SCN3A: variants seen among roughly 807,000 people sequenced by gnomAD.
SCN3A encodes sodium voltage-gated channel alpha subunit 3.
In SCN3A, 60 loss-of-function variants were observed where a neutral mutation model predicts 187.6. The observed-to-expected ratio is 0.32, with a 90% confidence interval of 0.26 to 0.40. The LOEUF is 0.40. SCN3A is among the 10% of genes least tolerant of loss of function. The pLI is 1.00. For missense variants in SCN3A, 1,601 were observed against 2,428.2 expected (o/e 0.66, Z 7.16); for synonymous variants, 788 against 829.2 (o/e 0.95, Z 0.85).
chr2:165,129,936 A>T lies in SCN3A; in HGVS notation c.2922+4T>A, dbSNP rs748261478. 3 of 1,614,004 alleles carry T rather than the reference A, an allele frequency of 1.9e-6. No homozygotes were observed. The highest frequency in any genetic ancestry group is 3.3e-5 in the Admixed American group (2 of 60,020). On this transcript the variant is annotated splice_donor_region_variant and intron_variant, in intron 17 of 27. Transcript: ENST00000283254. ...ATTTATGAGCATTTGTACTACATACATACCACAAGGTTTCCAATGACCATG... is the reference window on the plus strand; with the variant it reads ...ATTTATGAGCATTTGTACTACATACTTACCACAAGGTTTCCAATGACCATG...
At chr2:165,168,641 C>G in intron 5 of SCN3A, 95 bp downstream of exon 5, 1 of 897,586 alleles carries the variant, frequency 1.1e-6, no homozygotes, top group South Asian at 1.3e-5. Flanking sequence ...TTTTCTTAGA[C>G]AGAAGTGGAA....
At chr2:165,168,977 T>C (rs1320840337) in intron 4 of SCN3A, 152 bp from the exon 5 acceptor site, 3 of 626,404 alleles carry the variant, frequency 4.8e-6, no homozygotes, top group Admixed American at 5.5e-5. Flanking sequence ...CTTCAAAGCC[T>C]GTGATATGGC....
Position 165,113,868 on chromosome 2 carries a change from T to C in SCN3A, c.3617A>G (p.Asn1206Ser). 6.2e-7 allele frequency: 1 copy of C among 1,614,014 alleles called. No homozygotes were observed. The highest frequency in any genetic ancestry group is 8.5e-7 in the Non-Finnish European group (1 of 1,179,918). ...RKTCYSIVEH[N>S]WFETFIVFMI... ...GAACACAATGAAAGTCTCAAACCAG[T>C]TGTGCTCAACAATACTGTAGCAGGT... The change falls in exon 20 of 28, where the codon AAC becomes AGC. Residue 1206 changes from asparagine (N) to serine (S), a missense_variant. Transcript: ENST00000283254.
intron 2 of SCN3A, 51 bp from the exon 3 acceptor site, chr2:165,176,495 A>G: frequency 7.0e-7 from 1 of 1,422,048 alleles, no homozygotes; most frequent in Non-Finnish European, 9.8e-7. Flanking sequence ...GCGATTGGGC[A>G]TAAGAACATC....
At chr2:165,105,981 T>C (rs1685836731) in intron 21 of SCN3A, among the ~76,000 whole-genome samples, 1 of 152,234 alleles carries the variant, frequency 6.6e-6, no homozygotes, top group African/African-American at 2.4e-5. Context: ...TTTATTGGTC[T>C]TTAACTTTAT....
chr2:165,096,613 C>T lies in SCN3A; in HGVS notation c.4240-93G>A, dbSNP rs1263753186. ...AATCTGACAGTATTATAACAAATAA[C>T]TTTTTGTACAATATTGTGAAATTTC... On this transcript the variant is annotated intron_variant, in intron 23 of 27. Transcript: ENST00000283254. 28 of 824,684 alleles carry T rather than the reference C, an allele frequency of 3.4e-5. No individual in the cohort carries two copies. The South Asian group carries it at 4.5e-4, about 13-fold the overall frequency. 51.1% of individuals were successfully genotyped at this position (824,684 alleles called of 1,614,324 possible).
chr2:165,172,718 C>G (rs370648986), intron 3 of SCN3A, among the ~76,000 whole-genome samples: 1 of 152,120 alleles, frequency 6.6e-6, no homozygotes, highest in African/African-American at 2.4e-5. Context: ...GAACATGGAA[C>G]CCTTTGCTCC....
chr2:165,151,022 A>G (rs1406399270), intron 11 of SCN3A, among the ~76,000 whole-genome samples: 1 of 152,180 alleles, frequency 6.6e-6, no homozygotes, highest in Non-Finnish European at 1.5e-5. Flanking sequence ...GGCAAGCATG[A>G]GGTATATTTT....
Position 165,128,096 on chromosome 2 carries a change from C to T in SCN3A, c.2928G>A (p.Leu976=), listed in dbSNP as rs951891524. 1 of 1,607,314 alleles carries T rather than the reference C, an allele frequency of 6.2e-7. No individual in the cohort carries two copies. Among genetic ancestry groups the T allele is most frequent in the Non-Finnish European group, 8.5e-7 (1 of 1,178,580 alleles). Residue 976 remains leucine (L), a synonymous_variant, in exon 18 of 28, where the codon CTG becomes CTA. Transcript: ENST00000283254. ...TCAACAATAAGGCCAGAAAGAGGTT[C>T]AGAACCTAAAAGAAAAAAAGAAAAA... is the stretch of plus-strand genomic sequence containing the variant. ...LVMVIGNLVV[L]NLFLALLLSS...
chr2:165,106,872 A>T (rs1180149334), intron 21 of SCN3A, among the ~76,000 whole-genome samples: 1 of 152,204 alleles, frequency 6.6e-6, no homozygotes, highest in African/African-American at 2.4e-5. Context: ...AGGAACATTT[A>T]GTAAGCTATT....
intron 9 of SCN3A, among the ~76,000 whole-genome samples, chr2:165,156,328 A>G (rs939416658): frequency 2.0e-5 from 3 of 150,780 alleles, no homozygotes; most frequent in Non-Finnish European, 4.4e-5. Context: ...AACACAGTGA[A>G]ACTCCATCTC....
chr2:165,148,566 A>G (rs1341358612), intron 11 of SCN3A, among the ~76,000 whole-genome samples: 1 of 152,086 alleles, frequency 6.6e-6, no homozygotes, highest in East Asian at 1.9e-4. Context: ...CTCTAGGATT[A>G]CAATGATCTC....
intron 5 of SCN3A, among the ~76,000 whole-genome samples, chr2:165,167,025 G>C (rs1033193332): frequency 2.0e-5 from 3 of 151,842 alleles, no homozygotes; most frequent in Admixed American, 6.6e-5. Flanking sequence ...TCAGCCTCCT[G>C]AGTAGCTGGG....
chr2:165,176,484 A>G, intron 2 of SCN3A, 40 bp from the exon 3 acceptor site: 3 of 1,509,576 alleles, frequency 2.0e-6, no homozygotes, highest in Non-Finnish European at 2.7e-6. Flanking sequence ...TAGGAAAGCA[A>G]GCGATTGGGC....
intron 9 of SCN3A, 42 bp from the exon 10 acceptor site, chr2:165,155,945 A>T (rs1429819399): frequency 1.2e-6 from 2 of 1,610,870 alleles, no homozygotes; most frequent in South Asian, 2.2e-5. Flanking sequence ...TTTAGAAATT[A>T]CAGCAATTTC....
At chr2:165,091,949 G>T in intron 27 of SCN3A, 1 of 432,050 alleles carries the variant, frequency 2.3e-6, no homozygotes, top group Non-Finnish European at 4.3e-6. Flanking sequence ...ACAATGATTT[G>T]TTTTTTAAGC....
chr2:165,148,233 A>G (rs1172004411), intron 11 of SCN3A, among the ~76,000 whole-genome samples: 1 of 151,886 alleles, frequency 6.6e-6, no homozygotes, highest in Non-Finnish European at 1.5e-5. Context: ...AACAAGACAT[A>G]CTTAACCTTG....
At chr2:165,131,785 T>A (rs932000991) in intron 15 of SCN3A, among the ~76,000 whole-genome samples, 1 of 131,844 alleles carries the variant, frequency 7.6e-6, no homozygotes, top group Non-Finnish European at 1.6e-5. Context: ...CAGAGTGTGA[T>A]GTTCCCCTTC....
intron 18 of SCN3A, among the ~76,000 whole-genome samples, chr2:165,124,753 T>C (rs1431235605): frequency 2.6e-5 from 4 of 152,184 alleles, no homozygotes; most frequent in Non-Finnish European, 5.9e-5. Context: ...CCAGGTTCTT[T>C]AGTAGGTTTG....
Sources: allele counts gnomAD v4.1 joint callset (sites outside exome capture counted in the v4.1 genomes callset), GRCh38; gene constraint gnomAD v4.1.1; transcripts MANE v1.5; gene names NCBI Gene and HGNC (gene_info 2026-07-23, HGNC 2026-07-21).